Variants in IPCEF1 observed in about 807,000 individuals in gnomAD.
IPCEF1 encodes the protein interaction protein for cytohesin exchange factors 1.
A neutral mutation model predicts 50.9 loss-of-function variants in IPCEF1; 31 were observed. That is an observed-to-expected ratio of 0.61 (90% confidence interval 0.46 to 0.82). The LOEUF (loss-of-function observed/expected upper bound fraction) is 0.82. Among genes scored for constraint, IPCEF1 ranks in the 40% least tolerant of loss-of-function variants. The pLI is 0.00. For missense variants in IPCEF1, 458 were observed against 514.0 expected (o/e 0.89, Z 1.05); for synonymous variants, 181 against 192.0 (o/e 0.94, Z 0.47).
At position 154,200,015 on chromosome 6, in the gene IPCEF1, G is replaced by T; in HGVS notation, c.563C>A (p.Ser188Ter). 6.2e-7 allele frequency: 1 copy of T among 1,613,610 alleles called. No homozygotes were observed. The highest frequency in any genetic ancestry group is 8.5e-7 in the Non-Finnish European group (1 of 1,179,690). Residue 188 changes from serine to a stop codon, truncating the protein, a stop_gained, in exon 10 of 12, where the codon TCA becomes TAA. Transcript: ENST00000367220. LOFTEE classifies it high-confidence loss of function. ...SLTAQQASSS[S>*]PSLSGTSYSF... ...ATACGACGTTCCACTCAGGCTGGGT[G>T]AGGATGAAGATGCCTGCTGTGCAGT...
rs1408876805 is a variant in IPCEF1 at position 154,155,330 on chromosome 6, A to G, written c.*4498T>C. 6.6e-6 allele frequency: 1 copy of G among 150,876 alleles called. No homozygotes were observed. The highest frequency in any genetic ancestry group is 1.5e-5 in the Non-Finnish European group (1 of 68,032). 9.3% of individuals were successfully genotyped at this position (150,876 alleles called of 1,614,324 possible). A position where few individuals can be genotyped will look rare whatever the true frequency, so the allele number is the denominator to read the frequency against. Reference sequence around the variant, plus strand: ...AGTCATCTCCCAGTTCTAGGATTCAATTTCTCCTGTGAGGTATACAAAAGA... The same window carrying G: ...AGTCATCTCCCAGTTCTAGGATTCAGTTTCTCCTGTGAGGTATACAAAAGA... On this transcript the variant is annotated 3_prime_UTR_variant, in exon 12 of 12. Transcript: ENST00000367220.
chr6:154,257,770 G>A (rs1781497793), intron 3 of IPCEF1, among the ~76,000 whole-genome samples: 1 of 152,134 alleles, frequency 6.6e-6, no homozygotes, highest in South Asian at 2.1e-4. Flanking sequence ...CAGGATCATG[G>A]TTCGCTGCAA....
At chr6:154,255,575 C>G (rs896170076) in intron 3 of IPCEF1, among the ~76,000 whole-genome samples, 2 of 152,158 alleles carry the variant, frequency 1.3e-5, no homozygotes, top group South Asian at 2.1e-4. Flanking sequence ...CATCTTTTCT[C>G]AAGCATGGAA....
chr6:154,341,546 A>G (rs1783918424), intron 1 of IPCEF1, among the ~76,000 whole-genome samples: 1 of 152,200 alleles, frequency 6.6e-6, no homozygotes, highest in African/African-American at 2.4e-5. Flanking sequence ...AGTGCAATGA[A>G]CAAAACACGC....
At chr6:154,185,147 C>T (rs554011686) in intron 10 of IPCEF1, among the ~76,000 whole-genome samples, 6 of 152,310 alleles carry the variant, frequency 3.9e-5, no homozygotes, top group African/African-American at 1.4e-4. Flanking sequence ...CCCTGAGCCT[C>T]TTACCATGAT....
chr6:154,248,186 C>T (rs1473994864), intron 3 of IPCEF1, among the ~76,000 whole-genome samples: 2 of 152,116 alleles, frequency 1.3e-5, no homozygotes, highest in Non-Finnish European at 2.9e-5. Context: ...TGTACTAGCT[C>T]TTCAAATCAG....
intron 2 of IPCEF1, among the ~76,000 whole-genome samples, chr6:154,266,947 A>G (rs1425280408): frequency 3.3e-5 from 5 of 152,174 alleles, no homozygotes. Flanking sequence ...CAGTGACACC[A>G]CAAGTACACA....
At chr6:154,283,278 T>G (rs1168286680) in intron 2 of IPCEF1, among the ~76,000 whole-genome samples, 17 of 84,952 alleles carry the variant, frequency 2.0e-4, no homozygotes, top group South Asian at 7.9e-4. Context: ...GGCACAAGAG[T>G]GAAACTCCAT....
At chr6:154,288,491 T>G (rs1030253850) in intron 2 of IPCEF1, among the ~76,000 whole-genome samples, 2 of 150,918 alleles carry the variant, frequency 1.3e-5, no homozygotes, top group African/African-American at 4.9e-5. Context: ...GTGAAACCCC[T>G]TCTCTACTAA....
chr6:154,219,735 AG>A (rs1398236800), intron 7 of IPCEF1, among the ~76,000 whole-genome samples: 3 of 152,210 alleles, frequency 2.0e-5, no homozygotes, highest in Non-Finnish European at 2.9e-5. Flanking sequence ...AAGAAAACCA[AG>A]GGGATAAAAA....
chr6:154,282,716 A>T (rs568941481), intron 2 of IPCEF1, among the ~76,000 whole-genome samples: 1 of 152,316 alleles, frequency 6.6e-6, no homozygotes, highest in Admixed American at 6.5e-5. Context: ...GGATCAAAGT[A>T]CTTACTCCTC....
intron 5 of IPCEF1, among the ~76,000 whole-genome samples, chr6:154,237,478 C>A (rs976614828): frequency 1.3e-5 from 2 of 152,224 alleles, no homozygotes; most frequent in African/African-American, 4.8e-5. Context: ...AATTCTCCTG[C>A]ATCCTAAAAT....
chr6:154,293,738 AC>A (rs1287046012), intron 1 of IPCEF1, among the ~76,000 whole-genome samples: 1 of 152,192 alleles, frequency 6.6e-6, no homozygotes, highest in African/African-American at 2.4e-5. Context: ...CTAAAAGAAA[AC>A]TCTCTACTTT....
chr6:154,300,819 A>C (rs571955350), intron 1 of IPCEF1, among the ~76,000 whole-genome samples: 1 of 152,234 alleles, frequency 6.6e-6, no homozygotes, highest in Non-Finnish European at 1.5e-5. Flanking sequence ...TAGGTAAGTA[A>C]ATAAAGATTG....
intron 10 of IPCEF1, among the ~76,000 whole-genome samples, chr6:154,169,767 A>G (rs1243969051): frequency 6.6e-6 from 1 of 152,230 alleles, no homozygotes; most frequent in Non-Finnish European, 1.5e-5. Context: ...GACGAGGCCA[A>G]TGGCAGTTCC....
intron 2 of IPCEF1, among the ~76,000 whole-genome samples, chr6:154,287,705 C>A (rs1431714864): frequency 6.6e-6 from 1 of 152,170 alleles, no homozygotes; most frequent in Non-Finnish European, 1.5e-5. Context: ...CTTCTTATAA[C>A]AAGCCATGCT....
At chr6:154,288,103 A>G (rs1013372862) in intron 2 of IPCEF1, among the ~76,000 whole-genome samples, 1 of 152,226 alleles carries the variant, frequency 6.6e-6, no homozygotes. Context: ...CAACCAGGAC[A>G]ACGGGTTTTA....
chr6:154,233,104 G>A (rs1779850401), intron 5 of IPCEF1, among the ~76,000 whole-genome samples: 1 of 151,900 alleles, frequency 6.6e-6, no homozygotes, highest in Non-Finnish European at 1.5e-5. Context: ...AAGTAGCTGG[G>A]GTTACAGGCA....
chr6:154,167,335 C>A (rs182796848), intron 11 of IPCEF1, among the ~76,000 whole-genome samples: 1 of 152,314 alleles, frequency 6.6e-6, no homozygotes, highest in Admixed American at 6.5e-5. Context: ...TTCCCTTATT[C>A]CCATTGTGAA....
Sources: gnomAD v4.1 joint callset for allele counts (sites outside exome capture counted in the v4.1 genomes callset) on GRCh38, gnomAD v4.1.1 for gene constraint, MANE v1.5 for transcripts, NCBI Gene and HGNC (gene_info 2026-07-23, HGNC 2026-07-21) for gene names.